Variants in AP2A2 observed in about 807,000 individuals in gnomAD.
AP2A2 encodes AP-2 complex subunit alpha-2.
Under a neutral mutation model 104.2 loss-of-function variants are expected in AP2A2, and 32 were observed. The ratio of observed to expected loss-of-function variants is 0.31; its 90% CI spans 0.23 to 0.41. The LOEUF (loss-of-function observed/expected upper bound fraction) is 0.41, where lower values mean the gene tolerates loss of function less well. Ranked by LOEUF, AP2A2 falls within the 10% of genes least tolerant of loss-of-function variation. The probability of loss-of-function intolerance (pLI) is 1.00; values close to 1 mark genes in which losing one functional copy is unlikely to be tolerated. For missense variants in AP2A2, 912 were observed against 1,261.0 expected (o/e 0.72, Z 4.19); for synonymous variants, 539 against 533.3 (o/e 1.01, Z -0.15).
chr11:997,741 C>G (rs1015387971), intron 14 of AP2A2, among the ~76,000 whole-genome samples: 1 of 152,006 alleles, frequency 6.6e-6, no homozygotes, highest in African/African-American at 2.4e-5. Flanking sequence ...CCCGTCTCTT[C>G]TAAAAATACA....
At chr11:958,472 G>A (rs1589966027) in intron 1 of AP2A2, among the ~76,000 whole-genome samples, 1 of 152,218 alleles carries the variant, frequency 6.6e-6, no homozygotes, top group Non-Finnish European at 1.5e-5. Context: ...AAATTGAAAT[G>A]TGTCAGTTCA....
chr11:941,702 C>T (rs768658190), intron 1 of AP2A2, among the ~76,000 whole-genome samples: 1 of 151,706 alleles, frequency 6.6e-6, no homozygotes, highest in Non-Finnish European at 1.5e-5. Flanking sequence ...ATTCTCCCAC[C>T]TCAGCCTCCC....
intron 14 of AP2A2, among the ~76,000 whole-genome samples, chr11:994,795 C>T (rs1427036116): frequency 2.9e-5 from 4 of 139,816 alleles, no homozygotes; most frequent in Admixed American, 6.9e-5. Context: ...CCCTGCTGGC[C>T]TGTCCCGGGG....
chr11:963,958 T>G (rs1328486778), intron 2 of AP2A2, among the ~76,000 whole-genome samples: 2 of 151,800 alleles, frequency 1.3e-5, no homozygotes, highest in African/African-American at 4.8e-5. Flanking sequence ...TGGGTGGAGG[T>G]GGGAGGCTGT....
chr11:941,309 A>G (rs1348862892), intron 1 of AP2A2, among the ~76,000 whole-genome samples: 1 of 152,172 alleles, frequency 6.6e-6, no homozygotes, highest in Non-Finnish European at 1.5e-5. Flanking sequence ...GGCAATGTCC[A>G]GGATTGTGAT....
In AP2A2 at chr11:1,011,009, T is replaced by G. The variant is rs573408783; in HGVS notation, c.*384T>G. 8.7e-6 allele frequency: 6 copies of G among 687,344 alleles called. No homozygotes were observed. The African/African-American group carries it at 1.0e-4, about 12-fold the overall frequency. 42.6% of individuals were successfully genotyped at this position (687,344 alleles called of 1,614,324 possible). On this transcript the variant is annotated 3_prime_UTR_variant, in exon 22 of 22. Coordinates refer to ENST00000448903, the MANE Select transcript of AP2A2 (RefSeq NM_012305.4). ...GCCTCGGAGCCTCTGGGAGCAGCAGTGCCACTGTGCATGGCGTGGGCTGAG... is the reference window on the plus strand; with the variant it reads ...GCCTCGGAGCCTCTGGGAGCAGCAGGGCCACTGTGCATGGCGTGGGCTGAG...
chr11:963,475 G>A (rs1274184880), intron 2 of AP2A2, among the ~76,000 whole-genome samples: 1 of 152,098 alleles, frequency 6.6e-6, no homozygotes, highest in East Asian at 1.9e-4. Flanking sequence ...TTTATACCAG[G>A]TCTTTGAAGT....
intron 1 of AP2A2, chr11:940,671 C>T (rs960566259): frequency 2.7e-6 from 1 of 371,160 alleles, no homozygotes; most frequent in Non-Finnish European, 5.3e-6. Context: ...TGTCTCATTG[C>T]TTTGAATGCC....
chr11:985,664 T>A lies in AP2A2; in HGVS notation c.962+82T>A, dbSNP rs942158892. The stretch of plus-strand genomic sequence containing the variant: ...CGTTGGCACGAGACTGGGCGGATCA[T>A]GTCTGGTTTGTCCACTCCATGGGCC... On this transcript the variant is annotated intron_variant, in intron 8 of 21. Coordinates refer to ENST00000448903, the MANE Select transcript of AP2A2 (RefSeq NM_012305.4). 15 of 1,571,002 alleles carry A rather than the reference T, an allele frequency of 9.5e-6. No individual in the cohort carries two copies. In the Admixed American group the frequency reaches 2.7e-4, roughly 29 times the overall value.
rs377507590 is a variant in AP2A2, at chr11:1,008,060, C to T, written c.2345C>T (p.Ala782Val). ...GTGGACCCGACCGTGGAGGGGGGCG[C>T]GCAGGTGCAGCAGGTGGTCAACATA... ...KPVDPTVEGG[A>V]QVQQVVNIEC... Residue 782 changes from alanine to valine, a missense_variant, in exon 18 of 22, where the codon GCG becomes GTG. Coordinates refer to ENST00000448903, the MANE Select transcript of AP2A2 (RefSeq NM_012305.4). The T allele has an allele frequency of 6.3e-6, 10 of 1,586,058 alleles. No homozygotes were observed. Among genetic ancestry groups the T allele is most frequent in the African/African-American group, 2.7e-5 (2 of 74,332 alleles).
chr11:1,007,833 T>G, intron 17 of AP2A2, 179 bp from the exon 18 acceptor site: 2 of 792,560 alleles, frequency 2.5e-6, no homozygotes, highest in Non-Finnish European at 2.0e-6. Flanking sequence ...AGACAGTGTT[T>G]TGAGGATTGT....
intron 5 of AP2A2, among the ~76,000 whole-genome samples, chr11:979,944 T>G (rs2133687959): frequency 1.3e-5 from 2 of 152,368 alleles, no homozygotes; most frequent in East Asian, 3.9e-4. Context: ...TTAAAAAAAT[T>G]TATGGGAGAA....
At position 1,009,835 on chromosome 11, in the gene AP2A2, T is replaced by C. The variant is rs1288803026; in HGVS notation, c.2742+18T>C. The C allele has an allele frequency of 5.9e-6, 9 of 1,535,350 alleles. No homozygotes were observed. The highest frequency in any genetic ancestry group is 1.2e-5 in the South Asian group (1 of 83,700). ...AAGCCCAGGTCAGGCCCTCAGGAAA[T>C]GGTGGAACACACTTGAGTTGCTTTT... On this transcript the variant is annotated intron_variant, in intron 21 of 21. Coordinates refer to ENST00000448903, the MANE Select transcript of AP2A2 (RefSeq NM_012305.4).
At chr11:1,005,691 C>T (rs991658715) in intron 16 of AP2A2, among the ~76,000 whole-genome samples, 7 of 152,192 alleles carry the variant, frequency 4.6e-5, no homozygotes, top group South Asian at 2.1e-4. Flanking sequence ...AATTAGTCCT[C>T]TGCCCGCCAG....
intron 1 of AP2A2, among the ~76,000 whole-genome samples, chr11:935,060 T>C (rs1443564006): frequency 3.1e-5 from 1 of 32,666 alleles, no homozygotes; most frequent in Non-Finnish European, 7.7e-5. Context: ...GGTTTCACCA[T>C]TTTTTTTTTT....
At position 963,780 on chromosome 11, in the gene AP2A2, G is replaced by A. The variant is rs554004030; in HGVS notation, c.136+4275G>A. 4.1e-4 allele frequency among the ~76,000 whole-genome samples: 62 copies of A among 152,276 alleles called. 1 individual carries two copies. The highest frequency in any genetic ancestry group is 1.3e-3 in the African/African-American group (56 of 41,556). On this transcript the variant is annotated intron_variant, in intron 2 of 21. Coordinates refer to ENST00000448903, the MANE Select transcript of AP2A2 (RefSeq NM_012305.4). ...TGGGACCACAGGCGCGCACCACCACGCCTGGCTAACATTTAAAAAAAGTTT... is the reference window on the plus strand; with the variant it reads ...TGGGACCACAGGCGCGCACCACCACACCTGGCTAACATTTAAAAAAAGTTT...
chr11:985,145 G>A (rs1156396622), intron 7 of AP2A2, among the ~76,000 whole-genome samples: 1 of 152,062 alleles, frequency 6.6e-6, no homozygotes, highest in African/African-American at 2.4e-5. Flanking sequence ...CATCATACCC[G>A]GCTAACTTTT....
At chr11:942,477 G>C (rs1853687854) in intron 1 of AP2A2, 1 of 152,226 alleles carries the variant, frequency 6.6e-6, no homozygotes, top group Non-Finnish European at 1.5e-5. Context: ...TGGGGCCTTT[G>C]ACCGACTGAC....
intron 1 of AP2A2, among the ~76,000 whole-genome samples, chr11:958,372 A>C (rs1854307703): frequency 6.6e-6 from 1 of 152,222 alleles, no homozygotes; most frequent in Non-Finnish European, 1.5e-5. Flanking sequence ...CAGCCGGAGC[A>C]GACTAAGGGA....
Sources: allele counts gnomAD v4.1 joint callset (sites outside exome capture counted in the v4.1 genomes callset), GRCh38; gene constraint gnomAD v4.1.1; transcripts MANE v1.5; gene names NCBI Gene and HGNC (gene_info 2026-07-23, HGNC 2026-07-21).